Variants in UNC80 observed in about 807,000 individuals in gnomAD.
UNC80 encodes the protein unc-80 subunit of NALCN channel complex.
UNC80 carries 164 observed loss-of-function variants against 384.6 expected under a neutral mutation model. The ratio of observed to expected loss-of-function variants is 0.43; its 90% CI spans 0.38 to 0.49. UNC80 has a LOEUF of 0.49. Ranked by LOEUF, UNC80 falls within the 20% of genes least tolerant of loss-of-function variation. The pLI is 0.00. For synonymous variants in UNC80, 1,486 were observed against 1,527.8 expected (o/e 0.97, Z 0.64); for missense variants, 3,330 against 4,143.0 (o/e 0.80, Z 5.39).
chr2:209,986,389 T>C (rs1248085340), intron 61 of UNC80, among the ~76,000 whole-genome samples: 3 of 152,160 alleles, frequency 2.0e-5, no homozygotes, highest in Non-Finnish European at 2.9e-5. Context: ...GAGTTTGAGA[T>C]TGTTTTTATG....
chr2:209,976,474 A>G lies in UNC80; in HGVS notation c.8772+171A>G, dbSNP rs1486591576. ...CGCCCAAAAATATATTCCAGAGGAT[A>G]AAAATTTCACACTAGAAATGCCTTC... On this transcript the variant is annotated intron_variant, in intron 57 of 64. Coordinates refer to ENST00000673920, the MANE Select transcript of UNC80 (RefSeq NM_001371986.1). The surrounding 1 kb of genome is among the most constrained non-coding windows in gnomAD (Gnocchi z 4.3). Among the ~76,000 whole-genome samples the G allele has an allele frequency of 2.6e-5, 4 of 152,150 alleles. No individual in the cohort carries two copies. The highest frequency in any genetic ancestry group is 9.7e-5 in the African/African-American group (4 of 41,420).
At chr2:209,991,893 C>G (rs751674481) in intron 61 of UNC80, among the ~76,000 whole-genome samples, 9 of 152,110 alleles carry the variant, frequency 5.9e-5, no homozygotes, top group East Asian at 1.9e-4. Flanking sequence ...GCTTCCAAAC[C>G]AGGGGTGTGA....
At chr2:209,992,134 C>A in intron 61 of UNC80, 32 bp from the exon 62 acceptor site, 1 of 1,537,738 alleles carries the variant, frequency 6.5e-7, no homozygotes, top group Middle Eastern at 1.7e-4. Flanking sequence ...GTACTCTCTC[C>A]GGGGTACACT....
intron 22 of UNC80, among the ~76,000 whole-genome samples, chr2:209,855,454 G>A (rs1052844518): frequency 6.6e-6 from 1 of 151,858 alleles, no homozygotes; most frequent in Middle Eastern, 3.4e-3. Flanking sequence ...ATGTACCCAA[G>A]AACTTATAAA....
intron 25 of UNC80, among the ~76,000 whole-genome samples, chr2:209,882,619 A>G (rs1158332324): frequency 1.3e-5 from 2 of 152,154 alleles, no homozygotes; most frequent in African/African-American, 2.4e-5. Flanking sequence ...CACTTTCACT[A>G]TTATATTGAG....
At chr2:209,821,917 G>T (rs1484812068) in intron 13 of UNC80, among the ~76,000 whole-genome samples, 1 of 152,020 alleles carries the variant, frequency 6.6e-6, no homozygotes, top group Non-Finnish European at 1.5e-5. Context: ...ATACCATCTA[G>T]ATATATATTG....
intron 48 of UNC80, among the ~76,000 whole-genome samples, chr2:209,956,764 G>T (rs2092433757): frequency 6.6e-6 from 1 of 152,032 alleles, no homozygotes; most frequent in African/African-American, 2.4e-5. Context: ...TTAGGCCTAT[G>T]CAGATACTCC....
chr2:209,936,666 A>G (rs752233331), intron 40 of UNC80, among the ~76,000 whole-genome samples, 178 bp from the exon 41 acceptor site: 7 of 151,588 alleles, frequency 4.6e-5, no homozygotes, highest in Non-Finnish European at 7.4e-5. Flanking sequence ...GTGTATGTGT[A>G]TACACATATA....
intron 8 of UNC80, 50 bp downstream of exon 8, chr2:209,813,891 T>C: frequency 6.5e-7 from 1 of 1,531,132 alleles, no homozygotes; most frequent in African/African-American, 1.4e-5. Context: ...TTTGCCATAA[T>C]GGATTCTTTT....
chr2:209,846,387 GTGTT>G (rs1186864762), intron 21 of UNC80, among the ~76,000 whole-genome samples: 1 of 151,900 alleles, frequency 6.6e-6, no homozygotes, highest in Non-Finnish European at 1.5e-5. Flanking sequence ...TTGAGGGAAG[GTGTT>G]TGATCAATTA....
intron 26 of UNC80, among the ~76,000 whole-genome samples, chr2:209,888,775 C>T (rs7607036): frequency 0.26 from 39,745 of 151,748 alleles, 5,870 homozygotes; most frequent in East Asian, 0.4. Flanking sequence ...GCCACCACGC[C>T]CGGCTAATTT....
intron 4 of UNC80, among the ~76,000 whole-genome samples, chr2:209,780,610 T>C (rs143555297): frequency 3.3e-5 from 5 of 152,308 alleles, no homozygotes; most frequent in African/African-American, 1.2e-4. Context: ...ATCTCTGGCC[T>C]CCATCCATTA....
intron 26 of UNC80, 31 bp from the exon 27 acceptor site, chr2:209,894,132 G>A (rs2086598984): frequency 1.1e-5 from 11 of 984,232 alleles, no homozygotes; most frequent in Non-Finnish European, 1.3e-5. Context: ...CACTAGGGGG[G>A]AAAAAGCCCT....
At chr2:209,898,287 C>A (rs769788768) in intron 28 of UNC80, among the ~76,000 whole-genome samples, 1 of 151,782 alleles carries the variant, frequency 6.6e-6, no homozygotes, top group South Asian at 2.1e-4. Context: ...TTTTTCTTAA[C>A]TTCTTGACAC....
At chr2:209,828,798 A>G (rs935056137) in intron 14 of UNC80, among the ~76,000 whole-genome samples, 2 of 152,088 alleles carry the variant, frequency 1.3e-5, no homozygotes, top group African/African-American at 4.8e-5. Context: ...CTGTATAGAC[A>G]TTCTTTTGTC....
chr2:209,837,296 T>G (rs2081391856), intron 18 of UNC80, among the ~76,000 whole-genome samples: 1 of 152,218 alleles, frequency 6.6e-6, no homozygotes, highest in Non-Finnish European at 1.5e-5. Context: ...AAATATTATG[T>G]ATTTTCTCTA....
At chr2:209,919,715 A>G (rs1436562519) in intron 33 of UNC80, among the ~76,000 whole-genome samples, 18 of 152,202 alleles carry the variant, frequency 1.2e-4, no homozygotes, top group Non-Finnish European at 7.4e-5. Flanking sequence ...TTTTAATTCT[A>G]CCTTCATATC....
intron 7 of UNC80, among the ~76,000 whole-genome samples, chr2:209,798,802 C>T (rs1323670468): frequency 4.7e-5 from 7 of 149,888 alleles, no homozygotes; most frequent in South Asian, 2.1e-4. Context: ...CTCAGCCTGC[C>T]GAGTAGCTGG....
chr2:209,927,707 G>A (rs890746727), intron 36 of UNC80, among the ~76,000 whole-genome samples: 9 of 152,126 alleles, frequency 5.9e-5, no homozygotes, highest in Non-Finnish European at 1.0e-4. Context: ...CTCTGTACAA[G>A]CATTCTAGAA....
Sources: allele counts gnomAD v4.1 joint callset (sites outside exome capture counted in the v4.1 genomes callset), GRCh38; gene constraint gnomAD v4.1.1; non-coding constraint Gnocchi (gnomAD v3.1); transcripts MANE v1.5; gene names NCBI Gene and HGNC (gene_info 2026-07-23, HGNC 2026-07-21).